MED12L: variants seen among roughly 807,000 people sequenced by gnomAD.
The protein encoded by MED12L is mediator of RNA polymerase II transcription subunit 12-like protein.
Under a neutral mutation model 281.3 loss-of-function variants are expected in MED12L, and 60 were observed. The observed-to-expected ratio is 0.21, with a 90% CI of 0.17 to 0.26. MED12L has a LOEUF of 0.26. Among genes scored for constraint, MED12L ranks in the 10% least tolerant of loss-of-function variants. The probability of loss-of-function intolerance (pLI) is 1.00; values close to 1 mark genes in which losing one functional copy is unlikely to be tolerated. For synonymous variants in MED12L, 974 were observed against 987.2 expected, an observed-to-expected ratio of 0.99 and a Z score of 0.25; for missense variants, 2,146 against 2,680.9, an observed-to-expected ratio of 0.80 and a Z score of 4.41.
chr3:151,247,640 T>A (rs1337083288), intron 16 of MED12L, among the ~76,000 whole-genome samples: 1 of 140,504 alleles, frequency 7.1e-6, no homozygotes, highest in African/African-American at 2.6e-5. Context: ...AGGGATAGCA[T>A]TGGGAGATGT....
chr3:151,366,815 A>G (rs1345705754), intron 23 of MED12L, among the ~76,000 whole-genome samples: 1 of 152,180 alleles, frequency 6.6e-6, no homozygotes, highest in Non-Finnish European at 1.5e-5. Flanking sequence ...TTTTCTGGAC[A>G]GAAGAGACTT....
chr3:151,190,597 A>C (rs1193178866), intron 13 of MED12L, 120 bp from the exon 14 acceptor site: 13 of 899,390 alleles, frequency 1.4e-5, no homozygotes, highest in Middle Eastern at 2.3e-4. Flanking sequence ...ATCTTCCAAT[A>C]GATCTTTTTT....
intron 5 of MED12L, among the ~76,000 whole-genome samples, chr3:151,139,323 A>T (rs1043438042): frequency 1.3e-5 from 2 of 152,154 alleles, no homozygotes; most frequent in Non-Finnish European, 2.9e-5. Context: ...TTTAAAGGAG[A>T]GTGGTATTAG....
rs749499339 is a variant in MED12L at position 151,360,439 on chromosome 3, CTA to C, written c.2826-33_2826-32del. The C allele has an allele frequency of 2.6e-5, 42 of 1,599,696 alleles. No individual in the cohort carries two copies. In the South Asian group the frequency reaches 4.3e-4, roughly 16 times the overall value. The stretch of plus-strand genomic sequence containing the variant: ...AAATGATAACCCACATAGTACAAAT[CTA>C]TGTCTTATTTCTTCGTATATTTTTC... On this transcript the variant is annotated intron_variant, in intron 20 of 44. Transcript: ENST00000687756.
intron 11 of MED12L, among the ~76,000 whole-genome samples, chr3:151,172,706 C>A (rs1310804630): frequency 1.3e-5 from 2 of 152,198 alleles, no homozygotes; most frequent in South Asian, 2.1e-4. Context: ...AAAACCAAGA[C>A]TGCAGAAAGT....
intron 16 of MED12L, chr3:151,294,158 C>A (rs773711359): frequency 2.7e-6 from 4 of 1,468,864 alleles, no homozygotes; most frequent in East Asian, 2.3e-5. Context: ...TTCCAACAAA[C>A]AATAAAAGGC....
At chr3:151,136,531 G>A (rs1716161738) in intron 5 of MED12L, among the ~76,000 whole-genome samples, 1 of 152,194 alleles carries the variant, frequency 6.6e-6, no homozygotes, top group African/African-American at 2.4e-5. Flanking sequence ...AACCGGTGAG[G>A]TAACTCTGGC....
In MED12L at chr3:151,378,097, G is replaced by A. The variant is rs1711548205; in HGVS notation, c.4402G>A (p.Ala1468Thr). The A allele has an allele frequency of 4.3e-6, 7 of 1,611,648 alleles. No individual in the cohort carries two copies. The highest frequency in any genetic ancestry group is 2.2e-5 in the East Asian group (1 of 44,716). ...TGTGCAAGGAAGAGTGCTGAAAGCC[G>A]CTGGGGAAGAGCTGGAGAAGGGACA... ...TSVQGRVLKA[A>T]GEELEKGQHL... The change falls in exon 31 of 45, where the codon GCT (alanine) becomes ACT (threonine). Residue 1468 changes from alanine to threonine, a missense_variant. Physicochemically the swap from Ala to Thr is moderately conservative, Grantham distance 58. Transcript: ENST00000687756.
At chr3:151,256,103 T>G (rs1392102057) in intron 16 of MED12L, among the ~76,000 whole-genome samples, 5 of 152,248 alleles carry the variant, frequency 3.3e-5, no homozygotes, top group African/African-American at 1.2e-4. Context: ...GTGTTTTTAA[T>G]GAATATTAAT....
intron 17 of MED12L, 42 bp from the exon 18 acceptor site, chr3:151,355,078 TC>T: frequency 6.9e-7 from 1 of 1,439,948 alleles, no homozygotes; most frequent in East Asian, 2.3e-5. Context: ...GTCGAGAGCT[TC>T]TATTAAATGG....
At chr3:151,304,596 TA>T (rs5853513) in intron 16 of MED12L, among the ~76,000 whole-genome samples, 75,351 of 147,160 alleles carry the variant, frequency 0.51, 18,922 homozygotes, top group Non-Finnish European at 0.54. Flanking sequence ...CAGCTTGGAT[TA>T]AAAAAAAAAA....
At chr3:151,130,032 G>A (rs1333484526) in intron 5 of MED12L, among the ~76,000 whole-genome samples, 1 of 151,894 alleles carries the variant, frequency 6.6e-6, no homozygotes, top group Non-Finnish European at 1.5e-5. Context: ...ACCACCCAGA[G>A]TACTGGGATT....
intron 16 of MED12L, chr3:151,294,754 A>C: frequency 6.2e-7 from 1 of 1,614,188 alleles, no homozygotes; most frequent in Non-Finnish European, 8.5e-7. Context: ...TCACCCAAAC[A>C]CAAACAGATA....
chr3:151,119,197 A>C (rs556946266), intron 3 of MED12L, among the ~76,000 whole-genome samples: 1 of 152,354 alleles, frequency 6.6e-6, no homozygotes, highest in South Asian at 2.1e-4. Context: ...AAGAAACTGT[A>C]GTCATACTTG....
chr3:151,412,041 G>C (rs529021261), intron 41 of MED12L, among the ~76,000 whole-genome samples: 1 of 152,292 alleles, frequency 6.6e-6, no homozygotes, highest in East Asian at 1.9e-4. Flanking sequence ...ATCCCTTAGA[G>C]TGTATAACTG....
At chr3:151,153,049 G>GTGT (rs1718770163) in intron 5 of MED12L, among the ~76,000 whole-genome samples, 1 of 152,150 alleles carries the variant, frequency 6.6e-6, no homozygotes, top group Non-Finnish European at 1.5e-5. Flanking sequence ...TATAATTTAC[G>GTGT]TGTTTTCATA....
At chr3:151,095,874 C>G (rs373554465) in intron 2 of MED12L, among the ~76,000 whole-genome samples, 2 of 152,114 alleles carry the variant, frequency 1.3e-5, no homozygotes, top group South Asian at 4.1e-4. Context: ...GAGCCGATCT[C>G]AAAAGAAAGC....
chr3:151,347,412 A>G (rs1752669830), intron 16 of MED12L, among the ~76,000 whole-genome samples: 2 of 152,226 alleles, frequency 1.3e-5, no homozygotes. Context: ...TTACACACTA[A>G]TGAGGAAGAC....
chr3:151,348,340 CAAAAAA>C (rs11382065), intron 16 of MED12L, among the ~76,000 whole-genome samples: 53 of 87,814 alleles, frequency 6.0e-4, no homozygotes, highest in African/African-American at 2.0e-3. Context: ...ACCACCAGAC[CAAAAAA>C]AAAAAAAAAA....
Sources: gnomAD v4.1 joint callset for allele counts (sites outside exome capture counted in the v4.1 genomes callset) on GRCh38, gnomAD v4.1.1 for gene constraint, MANE v1.5 for transcripts, NCBI Gene and HGNC (gene_info 2026-07-23, HGNC 2026-07-21) for gene names.